HPSE2: variants seen among roughly 807,000 people sequenced by gnomAD.
HPSE2 encodes the protein inactive heparanase-2.
Under a neutral mutation model 60.5 loss-of-function variants are expected in HPSE2, and 38 were observed. The ratio of observed to expected loss-of-function variants is 0.63; its 90% CI spans 0.48 to 0.82. The LOEUF is 0.82. Among genes scored for constraint, HPSE2 ranks in the 40% least tolerant of loss-of-function variants. HPSE2 has a pLI of 0.00. For missense variants in HPSE2, 713 were observed against 740.4 expected (o/e 0.96, Z 0.43); for synonymous variants, 295 against 293.2 (o/e 1.01, Z -0.06).
the HPSE2 span, among the ~76,000 whole-genome samples, chr10:99,265,950 TAGA>T: frequency 6.6e-6 from 1 of 152,044 alleles, no homozygotes; most frequent in Non-Finnish European, 1.5e-5. Context: ...AATACAGGGG[TAGA>T]AGAAGCAGCA....
upstream of HPSE2, among the ~76,000 whole-genome samples, chr10:99,236,268 A>T (rs1849851596): frequency 6.6e-6 from 1 of 151,852 alleles, no homozygotes; most frequent in Non-Finnish European, 1.5e-5. Context: ...AATCCAAACC[A>T]TGCCGTTGTA....
At chr10:98,765,883 CT>C (rs1950108715) in intron 3 of HPSE2, among the ~76,000 whole-genome samples, 1 of 151,672 alleles carries the variant, frequency 6.6e-6, no homozygotes, top group African/African-American at 2.4e-5. Flanking sequence ...CATCATTAAT[CT>C]AATCATCTAC....
chr10:99,065,048 TA>T (rs1193879337), intron 3 of HPSE2, among the ~76,000 whole-genome samples: 1 of 152,194 alleles, frequency 6.6e-6, no homozygotes, highest in East Asian at 1.9e-4. Context: ...CTAAAATAAT[TA>T]CACCAAACTT....
At position 98,601,810 on chromosome 10, in the gene HPSE2, C is replaced by T. The variant is rs565917877; in HGVS notation, c.1320+13094G>A. ...CCCACTGCGTTGTTCCTGTGGGACT[C>T]GGTGGCCAGGGAAACTGATGCAAAT... is the stretch of plus-strand genomic sequence containing the variant. On this transcript the variant is annotated intron_variant, in intron 9 of 11. Transcript: ENST00000370552. Among the ~76,000 whole-genome samples, 4 of 152,252 alleles carry T rather than the reference C, an allele frequency of 2.6e-5. No homozygotes were observed. In the East Asian group the frequency reaches 5.8e-4, roughly 22 times the overall value.
chr10:98,726,636 A>AATAATAATC (rs752353762), intron 4 of HPSE2, among the ~76,000 whole-genome samples: 11 of 67,494 alleles, frequency 1.6e-4, no homozygotes, highest in African/African-American at 5.9e-4. Context: ...AAAGTATAAT[A>AATAATAATC]ATAATAATAA....
intron 3 of HPSE2, among the ~76,000 whole-genome samples, chr10:98,809,448 T>C (rs1344473673): frequency 6.6e-6 from 1 of 152,128 alleles, no homozygotes; most frequent in Non-Finnish European, 1.5e-5. Context: ...TGATATATTA[T>C]TAAGTGAGAT....
intron 3 of HPSE2, among the ~76,000 whole-genome samples, chr10:99,061,986 G>A (rs1161178574): frequency 6.6e-6 from 1 of 152,154 alleles, no homozygotes; most frequent in Non-Finnish European, 1.5e-5. Flanking sequence ...AGAGCAGAGA[G>A]GGCATAGAGG....
intron 8 of HPSE2, among the ~76,000 whole-genome samples, chr10:98,618,779 G>A (rs767916120): frequency 1.3e-5 from 2 of 152,164 alleles, no homozygotes; most frequent in African/African-American, 2.4e-5. Context: ...GTTTCACCAT[G>A]TTGGCCAGGC....
chr10:98,500,714 CAA>C (rs1942001764), intron 9 of HPSE2, among the ~76,000 whole-genome samples: 2 of 151,512 alleles, frequency 1.3e-5, no homozygotes, highest in Admixed American at 6.6e-5. Context: ...ACAAAAAATA[CAA>C]AAGATAAATG....
chr10:99,212,356 C>G (rs898026584), intron 2 of HPSE2, among the ~76,000 whole-genome samples: 2 of 152,074 alleles, frequency 1.3e-5, no homozygotes, highest in African/African-American at 2.4e-5. Flanking sequence ...GATAGCTGCA[C>G]TTCCATGTTC....
chr10:99,254,778 T>C, the HPSE2 span, among the ~76,000 whole-genome samples: 1 of 152,136 alleles, frequency 6.6e-6, no homozygotes, highest in Non-Finnish European at 1.5e-5. Flanking sequence ...GTGGATGAGC[T>C]TTGAAAACAT....
chr10:99,015,081 T>C (rs1035968483), intron 3 of HPSE2, among the ~76,000 whole-genome samples: 4 of 152,268 alleles, frequency 2.6e-5, no homozygotes, highest in Admixed American at 1.3e-4. Flanking sequence ...TCATCATCAC[T>C]GGCCATCAGA....
intron 9 of HPSE2, among the ~76,000 whole-genome samples, chr10:98,600,882 TAC>T (rs1945388503): frequency 2.9e-5 from 4 of 139,054 alleles, no homozygotes; most frequent in South Asian, 2.2e-4. Context: ...TATGTATATA[TAC>T]ATATATACGT....
chr10:98,974,809 C>A (rs1956047565), intron 3 of HPSE2, among the ~76,000 whole-genome samples: 2 of 151,988 alleles, frequency 1.3e-5, no homozygotes, highest in Non-Finnish European at 2.9e-5. Flanking sequence ...TAATAAATAC[C>A]TCTCCATAAG....
In HPSE2 at chr10:99,001,738, C is replaced by T. The variant is rs373478012; in HGVS notation, c.610+142500G>A. 4.5e-4 allele frequency among the ~76,000 whole-genome samples: 68 copies of T among 152,132 alleles called. 4 individuals are homozygous for T. The highest frequency in any genetic ancestry group is 2.7e-3 in the East Asian group (14 of 5,178). On this transcript the variant is annotated intron_variant, in intron 3 of 11. Transcript: ENST00000370552. ...ACGGTACACACCATTGATGATTATA[C>T]TTTAGGGTAAAGATAATGTTATGAG... is the stretch of plus-strand genomic sequence containing the variant.
At chr10:98,865,187 AGGAATTTAATCTAG>A in intron 3 of HPSE2, among the ~76,000 whole-genome samples, 1 of 152,270 alleles carries the variant, frequency 6.6e-6, no homozygotes, top group East Asian at 1.9e-4. Flanking sequence ...TCCCAACCAG[AGGAATTTAATCTAG>A]GTGCCATAGA....
chr10:98,767,041 C>A (rs1222539956), intron 3 of HPSE2, among the ~76,000 whole-genome samples: 1 of 152,130 alleles, frequency 6.6e-6, no homozygotes, highest in Non-Finnish European at 1.5e-5. Context: ...GAGAATATAT[C>A]CGACAAAATT....
chr10:99,075,205 T>C (rs1007122533), intron 3 of HPSE2, among the ~76,000 whole-genome samples: 50 of 152,142 alleles, frequency 3.3e-4, no homozygotes, highest in African/African-American at 1.2e-3. Context: ...TGCTGCATCT[T>C]ATAGGTTTGG....
At chr10:99,134,407 G>A (rs1422962551) in intron 3 of HPSE2, among the ~76,000 whole-genome samples, 4 of 152,084 alleles carry the variant, frequency 2.6e-5, no homozygotes, top group African/African-American at 9.7e-5. Flanking sequence ...GCAACCCCAA[G>A]ACACATTATC....
Sources: gnomAD v4.1 joint callset for allele counts (sites outside exome capture counted in the v4.1 genomes callset) on GRCh38, gnomAD v4.1.1 for gene constraint, MANE v1.5 for transcripts, NCBI Gene and HGNC (gene_info 2026-07-23, HGNC 2026-07-21) for gene names.